Variants in HLCS observed in about 807,000 individuals in gnomAD.
HLCS encodes the protein biotin--protein ligase.
Under a neutral mutation model 75.0 loss-of-function variants are expected in HLCS, and 53 were observed. The observed-to-expected ratio is 0.71, with a 90% CI of 0.57 to 0.89. The LOEUF is 0.89. HLCS is among the 40% of genes least tolerant of loss of function. HLCS has a pLI of 0.00. For synonymous variants in HLCS, 431 were observed against 428.6 expected (o/e 1.01, Z -0.07); for missense variants, 966 against 1,074.0 (o/e 0.90, Z 1.41).
At chr21:36,758,463 G>A (rs1211590716) in intron 9 of HLCS, among the ~76,000 whole-genome samples, 1 of 152,112 alleles carries the variant, frequency 6.6e-6, no homozygotes, top group Non-Finnish European at 1.5e-5. Flanking sequence ...CCAGAATGGA[G>A]TGGAGTGGCT....
intron 2 of HLCS, among the ~76,000 whole-genome samples, chr21:36,951,341 C>T (rs2067661649): frequency 6.6e-6 from 1 of 152,170 alleles, no homozygotes; most frequent in Non-Finnish European, 1.5e-5. Flanking sequence ...TGTGCAGGGG[C>T]CAGGTGCAAA....
chr21:36,919,207 G>A (rs570653440), intron 5 of HLCS, among the ~76,000 whole-genome samples: 8 of 152,306 alleles, frequency 5.3e-5, no homozygotes, highest in Middle Eastern at 6.8e-3. Context: ...GATGAGTACA[G>A]AAGAATTCAC....
In HLCS at chr21:36,907,716, A is replaced by C. The variant is rs148271874; in HGVS notation, c.1621-10585T>G. ...AGAACAGTGAAAAGACAAACAACAAACTGGGAGAAATTATTCTCAATACTT... is the reference window on the plus strand; with the variant it reads ...AGAACAGTGAAAAGACAAACAACAACCTGGGAGAAATTATTCTCAATACTT... On this transcript the variant is annotated intron_variant, in intron 5 of 10. Coordinates refer to ENST00000674895, the MANE Select transcript of HLCS (RefSeq NM_001352514.2). Among the ~76,000 whole-genome samples, 73 of 152,202 alleles carry C rather than the reference A, an allele frequency of 4.8e-4. 1 individual carries two copies. The East Asian group carries it at 0.014, about 29-fold the overall frequency.
intron 10 of HLCS, among the ~76,000 whole-genome samples, chr21:36,755,548 A>G (rs1420920269): frequency 6.6e-6 from 1 of 152,250 alleles, no homozygotes; most frequent in Non-Finnish European, 1.5e-5. Flanking sequence ...CTGGATACAA[A>G]CGGTCCATGT....
intron 5 of HLCS, among the ~76,000 whole-genome samples, chr21:36,922,120 G>A (rs1346066337): frequency 3.3e-5 from 5 of 151,906 alleles, no homozygotes; most frequent in African/African-American, 7.3e-5. Flanking sequence ...TTAAAGCCAC[G>A]TTCCTCAATT....
At chr21:36,957,927 T>A (rs2068053009) in intron 2 of HLCS, among the ~76,000 whole-genome samples, 1 of 116,948 alleles carries the variant, frequency 8.6e-6, no homozygotes. Context: ...AGACTGCGTC[T>A]CGAAAAAAAA....
At chr21:36,826,464 G>C (rs1491000435) in intron 6 of HLCS, among the ~76,000 whole-genome samples, 1 of 152,224 alleles carries the variant, frequency 6.6e-6, no homozygotes, top group East Asian at 1.9e-4. Context: ...CCCCCTGGAA[G>C]GGTTAAAGAA....
At chr21:36,821,683 G>A (rs1348424804) in intron 6 of HLCS, among the ~76,000 whole-genome samples, 1 of 152,208 alleles carries the variant, frequency 6.6e-6, no homozygotes. Context: ...TGATATTTAA[G>A]CATGTGTTTA....
At chr21:36,858,605 CAG>C (rs1340644945) in intron 6 of HLCS, among the ~76,000 whole-genome samples, 1 of 152,200 alleles carries the variant, frequency 6.6e-6, no homozygotes, top group Non-Finnish European at 1.5e-5. Flanking sequence ...GTGATAGAGA[CAG>C]AGACAGATGT....
intron 6 of HLCS, among the ~76,000 whole-genome samples, chr21:36,856,826 G>C (rs2063211570): frequency 6.6e-6 from 1 of 152,158 alleles, no homozygotes; most frequent in Non-Finnish European, 1.5e-5. Context: ...AATGTATTCT[G>C]AAATCAGAAA....
intron 1 of HLCS, among the ~76,000 whole-genome samples, chr21:36,984,388 T>C (rs913621463): frequency 6.6e-6 from 1 of 152,088 alleles, no homozygotes; most frequent in Non-Finnish European, 1.5e-5. Context: ...TTAAATAAAG[T>C]AAGAATGACT....
At chr21:36,872,854 G>A (rs2146238181) in intron 6 of HLCS, among the ~76,000 whole-genome samples, 1 of 152,222 alleles carries the variant, frequency 6.6e-6, no homozygotes. Context: ...TAGGGATGGG[G>A]TTACAGGGTA....
chr21:36,949,980 C>T (rs1355037381), intron 2 of HLCS, among the ~76,000 whole-genome samples: 2 of 152,104 alleles, frequency 1.3e-5, no homozygotes, highest in Non-Finnish European at 2.9e-5. Flanking sequence ...CACAAGTGAC[C>T]CACCATCCAC....
chr21:36,867,457 T>G (rs938148451), intron 6 of HLCS, among the ~76,000 whole-genome samples: 1 of 152,228 alleles, frequency 6.6e-6, no homozygotes, highest in Admixed American at 6.5e-5. Flanking sequence ...AACAGAATTT[T>G]GGCTGCAAAG....
At chr21:36,761,274 G>A (rs1299111316) in intron 8 of HLCS, among the ~76,000 whole-genome samples, 2 of 152,230 alleles carry the variant, frequency 1.3e-5, no homozygotes, top group Admixed American at 6.5e-5. Context: ...GCCTGGGTGA[G>A]GAATCCTATG....
intron 5 of HLCS, among the ~76,000 whole-genome samples, chr21:36,924,275 T>C (rs1024444883): frequency 1.3e-5 from 2 of 152,172 alleles, no homozygotes; most frequent in Admixed American, 1.3e-4. Flanking sequence ...GAAAAATACA[T>C]TAAGCCAGGT....
At chr21:36,869,097 A>ATTT (rs2063676550) in intron 6 of HLCS, among the ~76,000 whole-genome samples, 5 of 109,080 alleles carry the variant, frequency 4.6e-5, no homozygotes, top group Non-Finnish European at 9.4e-5. Flanking sequence ...AAAGATGTTT[A>ATTT]ATTTATTTAT....
At chr21:36,893,642 A>G (rs944054864) in intron 6 of HLCS, among the ~76,000 whole-genome samples, 1 of 152,138 alleles carries the variant, frequency 6.6e-6, no homozygotes, top group African/African-American at 2.4e-5. Context: ...GGAGCACGCA[A>G]TCTAGATCCC....
intron 2 of HLCS, among the ~76,000 whole-genome samples, chr21:36,939,825 T>G (rs1346808349): frequency 6.6e-6 from 1 of 152,186 alleles, no homozygotes; most frequent in Non-Finnish European, 1.5e-5. Flanking sequence ...CATCACTGTC[T>G]GTCCTCGGGC....
Sources: gnomAD v4.1 joint callset for allele counts (sites outside exome capture counted in the v4.1 genomes callset) on GRCh38, gnomAD v4.1.1 for gene constraint, MANE v1.5 for transcripts, NCBI Gene and HGNC (gene_info 2026-07-23, HGNC 2026-07-21) for gene names.